CST7: variants seen among roughly 807,000 people sequenced by gnomAD.
CST7 encodes the protein cystatin-F.
Under a neutral mutation model 13.1 loss-of-function variants are expected in CST7, and 15 were observed. That is an observed-to-expected ratio of 1.14 (90% confidence interval 0.77 to 1.76). The LOEUF (loss-of-function observed/expected upper bound fraction) is 1.76. CST7 is among the 40% of genes most tolerant of loss of function. CST7 has a pLI of 0.00. For synonymous variants in CST7, 75 were observed against 66.9 expected (o/e 1.12, Z -0.59); for missense variants, 193 against 178.8 (o/e 1.08, Z -0.45).
intron 3 of CST7, 107 bp downstream of exon 3, chr20:24,959,151 C>T: frequency 1.1e-6 from 1 of 904,566 alleles, no homozygotes; most frequent in Admixed American, 1.9e-5. Context: ...GCGCCCCAAA[C>T]CTCACCCCTG....
chr20:24,958,917 G>A lies in CST7; in HGVS notation c.244-11G>A. 6.3e-7 allele frequency: 1 copy of A among 1,599,810 alleles called. No homozygotes were observed. The highest frequency in any genetic ancestry group is 1.7e-4 in the Middle Eastern group (1 of 6,040). On this transcript the variant is annotated splice_polypyrimidine_tract_variant and intron_variant, in intron 2 of 3. Transcript: ENST00000480798. ...CTGTGCCCAGTAACCCAGTCCCTTTGCTCCCTCCAGATAGTGAAAGGCCTG... is the reference window on the plus strand; with the variant it reads ...CTGTGCCCAGTAACCCAGTCCCTTTACTCCCTCCAGATAGTGAAAGGCCTG...
Position 24,949,343 on chromosome 20 carries a change from A to T in CST7, c.-163A>T. Reference sequence around the variant, plus strand: ...CGGCACTGGCCCGTGCTGCCTGAGAAGGATTGGCACGGGCACAGACCACTG... The same window carrying T: ...CGGCACTGGCCCGTGCTGCCTGAGATGGATTGGCACGGGCACAGACCACTG... On this transcript the variant is annotated 5_prime_UTR_variant, in exon 1 of 4. It adds an upstream start codon to the 5' untranslated region. Transcript: ENST00000480798. 2 of 1,539,182 alleles carry T rather than the reference A, an allele frequency of 1.3e-6. No individual in the cohort carries two copies. The highest frequency in any genetic ancestry group is 4.5e-5 in the East Asian group (2 of 44,030).
intron 1 of CST7, among the ~76,000 whole-genome samples, chr20:24,949,937 C>T (rs1361158068): frequency 1.3e-5 from 2 of 152,332 alleles, no homozygotes; most frequent in East Asian, 3.9e-4. Context: ...TGGTTAGCCG[C>T]TTCTATCTGA....
intron 1 of CST7, among the ~76,000 whole-genome samples, chr20:24,956,879 G>A (rs1008538025): frequency 4.6e-5 from 7 of 150,980 alleles, no homozygotes; most frequent in Non-Finnish European, 1.0e-4. Context: ...TAACACTTAC[G>A]TTGGAAATAA....
At chr20:24,951,487 G>T (rs1380767273) in intron 1 of CST7, among the ~76,000 whole-genome samples, 2 of 152,170 alleles carry the variant, frequency 1.3e-5, no homozygotes, top group African/African-American at 4.8e-5. Context: ...GTATAGGGAG[G>T]GTGCTGGGAG....
chr20:24,949,361 G>C lies in CST7; in HGVS notation c.-145G>C. ...CCTGAGAAGGATTGGCACGGGCACA[G>C]ACCACTGCCCCCACCTGCCCTGCGC... On this transcript the variant is annotated 5_prime_UTR_variant, in exon 1 of 4. Coordinates refer to ENST00000480798, the MANE Select transcript of CST7 (RefSeq NM_003650.4). 6.4e-7 allele frequency: 1 copy of C among 1,561,876 alleles called. No individual in the cohort carries two copies. Among genetic ancestry groups the C allele is most frequent in the South Asian group, 1.2e-5 (1 of 82,252 alleles).
At chr20:24,950,373 CT>C (rs2087811656) in intron 1 of CST7, among the ~76,000 whole-genome samples, 1 of 152,344 alleles carries the variant, frequency 6.6e-6, no homozygotes, top group Middle Eastern at 3.4e-3. Context: ...CAGGTGGGGG[CT>C]GTGCAGCAGG....
At chr20:24,954,105 G>A (rs966347230) in intron 1 of CST7, among the ~76,000 whole-genome samples, 1 of 152,072 alleles carries the variant, frequency 6.6e-6, no homozygotes, top group Non-Finnish European at 1.5e-5. Context: ...TGTGGGCGGG[G>A]CCTGTCTTAG....
chr20:24,951,806 G>A (rs943563712), intron 1 of CST7, among the ~76,000 whole-genome samples: 8 of 152,308 alleles, frequency 5.3e-5, no homozygotes, highest in Middle Eastern at 3.4e-3. Context: ...ACTGGCTTCC[G>A]CCACCCTTTT....
chr20:24,958,778 C>T (rs998748615), intron 2 of CST7, 150 bp from the exon 3 acceptor site: 19 of 645,606 alleles, frequency 2.9e-5, no homozygotes, highest in African/African-American at 1.1e-4. Context: ...CAGGCTCTGC[C>T]GTAAGCCCGA....
chr20:24,956,411 A>G (rs2087854489), intron 1 of CST7, among the ~76,000 whole-genome samples: 2 of 152,148 alleles, frequency 1.3e-5, no homozygotes, highest in African/African-American at 4.8e-5. Flanking sequence ...CTTTCCATCC[A>G]GTCCATAGCA....
chr20:24,951,650 G>A (rs1035600147), intron 1 of CST7, among the ~76,000 whole-genome samples: 3 of 152,136 alleles, frequency 2.0e-5, no homozygotes, highest in Admixed American at 6.5e-5. Flanking sequence ...GGTAGGGGGC[G>A]GGGAAGCAAC....
At chr20:24,951,764 C>T (rs2087820725) in intron 1 of CST7, among the ~76,000 whole-genome samples, 1 of 152,216 alleles carries the variant, frequency 6.6e-6, no homozygotes, top group African/African-American at 2.4e-5. Context: ...ACCTCTCCTC[C>T]CTGAGGCTTT....
chr20:24,958,317 C>T (rs912639902), intron 2 of CST7, among the ~76,000 whole-genome samples: 2 of 152,122 alleles, frequency 1.3e-5, no homozygotes, highest in African/African-American at 2.4e-5. Flanking sequence ...CCGGGTAGGC[C>T]AGTGGGATGC....
intron 2 of CST7, 52 bp from the exon 3 acceptor site, chr20:24,958,876 G>C (rs1212706562): frequency 1.1e-5 from 15 of 1,362,604 alleles, no homozygotes; most frequent in Non-Finnish European, 1.4e-5. Flanking sequence ...TAGTGGAGAA[G>C]CCTGCCCTCC....
intron 2 of CST7, among the ~76,000 whole-genome samples, chr20:24,957,856 G>A (rs1037016280): frequency 1.3e-5 from 2 of 152,166 alleles, no homozygotes; most frequent in African/African-American, 2.4e-5. Context: ...CACGTGCCCT[G>A]CAGCCCAGAG....
chr20:24,949,683 G>A lies in CST7; in HGVS notation c.70+108G>A, dbSNP rs1600957844. The A allele has an allele frequency of 2.5e-5, 36 of 1,422,674 alleles. No individual in the cohort carries two copies. The South Asian group carries it at 4.3e-4, about 17-fold the overall frequency. The allele number at this position is 1,422,674 out of a possible 1,614,324, so 88.1% of individuals were successfully genotyped here. On this transcript the variant is annotated intron_variant, in intron 1 of 3. Coordinates refer to ENST00000480798, the MANE Select transcript of CST7 (RefSeq NM_003650.4). ...CTTTCCTAGCTTGGAGCCCCCACAG[G>A]ACCATGCGGTGGTGAGAGGTGCTGG...
At chr20:24,954,720 C>G (rs1600961002) in intron 1 of CST7, among the ~76,000 whole-genome samples, 1 of 152,096 alleles carries the variant, frequency 6.6e-6, no homozygotes, top group Non-Finnish European at 1.5e-5. Flanking sequence ...CTTTTTGTAA[C>G]TTTACCACAA....
intron 1 of CST7, 112 bp from the exon 2 acceptor site, chr20:24,957,175 C>A: frequency 2.0e-6 from 2 of 1,001,824 alleles, no homozygotes; most frequent in Non-Finnish European, 2.8e-6. Flanking sequence ...TGGGTAGGGC[C>A]AGGACACACA....
Sources: allele counts gnomAD v4.1 joint callset (sites outside exome capture counted in the v4.1 genomes callset), GRCh38; gene constraint gnomAD v4.1.1; transcripts MANE v1.5; gene names NCBI Gene and HGNC (gene_info 2026-07-23, HGNC 2026-07-21).